The following MS4A4A variants were observed in gnomAD, a reference collection of about 807,000 sequenced individuals.
MS4A4A encodes the protein membrane-spanning 4-domains subfamily A member 4A.
A neutral mutation model predicts 28.0 loss-of-function variants in MS4A4A; 26 were observed. The ratio of observed to expected loss-of-function variants is 0.93; its 90% confidence interval spans 0.68 to 1.29. The LOEUF (loss-of-function observed/expected upper bound fraction) is 1.29, where lower values mean the gene tolerates loss of function less well. Ranked by LOEUF, MS4A4A falls within the 50% of genes most tolerant of loss-of-function variation. MS4A4A has a pLI of 0.00. For synonymous variants in MS4A4A, 86 were observed against 100.8 expected, an observed-to-expected ratio of 0.85 and a Z score of 0.88; for missense variants, 290 against 293.1, an observed-to-expected ratio of 0.99 and a Z score of 0.08.
chr11:60,302,720 T>C lies in MS4A4A; in HGVS notation c.546+3T>C, dbSNP rs2084964128. ...ATGGGACTATGTCCATCTTAATGGT[T>C]GGTACTGCCTCTTTTCAGGGGATAT... is the stretch of plus-strand genomic sequence containing the variant. On this transcript the variant is annotated splice_donor_region_variant and intron_variant, in intron 5 of 6. Transcript: ENST00000337908. 6.2e-7 allele frequency: 1 copy of C among 1,612,524 alleles called. No individual in the cohort carries two copies. The highest frequency in any genetic ancestry group is 8.5e-7 in the Non-Finnish European group (1 of 1,178,908).
intron 2 of MS4A4A, among the ~76,000 whole-genome samples, chr11:60,293,806 A>G (rs1241829251): frequency 6.6e-6 from 1 of 151,972 alleles, no homozygotes; most frequent in Non-Finnish European, 1.5e-5. Flanking sequence ...TAGCTCATTT[A>G]TTTTTAGTAC....
intron 4 of MS4A4A, among the ~76,000 whole-genome samples, chr11:60,301,711 A>G (rs547082353): frequency 1.3e-5 from 2 of 152,328 alleles, no homozygotes; most frequent in Admixed American, 1.3e-4. Flanking sequence ...GGCTGCAGCC[A>G]CATTACTCAT....
In MS4A4A at chr11:60,306,063, C is replaced by T. The variant is rs746902938; in HGVS notation, c.547-37C>T. The T allele has an allele frequency of 2.9e-5, 43 of 1,498,830 alleles. 1 individual carries two copies. The highest frequency in any genetic ancestry group is 4.0e-5 in the Non-Finnish European group (43 of 1,081,032). 92.8% of individuals were successfully genotyped at this position (1,498,830 alleles called of 1,614,324 possible). ...GGGAAATGTTTTCACTTGTCATCTC[C>T]ATTTCTCACATTCCTTTGTTATGAG... On this transcript the variant is annotated intron_variant, in intron 5 of 6. Coordinates refer to ENST00000337908, the MANE Select transcript of MS4A4A (RefSeq NM_148975.3).
intron 5 of MS4A4A, 47 bp from the exon 6 acceptor site, chr11:60,306,052 CT>C (rs2084996811): frequency 6.9e-7 from 1 of 1,459,328 alleles, no homozygotes; most frequent in Non-Finnish European, 9.6e-7. Flanking sequence ...AATGTTTTCA[CT>C]TGTCATCTCC....
At chr11:60,287,153 G>T (rs1021164138) in intron 1 of MS4A4A, among the ~76,000 whole-genome samples, 4 of 152,142 alleles carry the variant, frequency 2.6e-5, no homozygotes, top group African/African-American at 7.2e-5. Context: ...GACTTGTACT[G>T]TCCTCCCACA....
At chr11:60,283,741 T>C (rs555802117) in intron 1 of MS4A4A, among the ~76,000 whole-genome samples, 2 of 152,328 alleles carry the variant, frequency 1.3e-5, no homozygotes, top group East Asian at 3.9e-4. Context: ...AATTTGAGGA[T>C]GTGGATTAAA....
In MS4A4A at chr11:60,297,298, C is replaced by T. The variant is rs370827359; in HGVS notation, c.303C>T (p.Ile101=). 22 of 1,613,100 alleles carry T rather than the reference C, an allele frequency of 1.4e-5. No homozygotes were observed. Among genetic ancestry groups the T allele is most frequent in the African/African-American group, 6.7e-5 (5 of 74,836 alleles). Residue 101 remains isoleucine, a synonymous_variant, in exon 3 of 7, where the codon ATC becomes ATT. Transcript: ENST00000337908. ...GAAGTAACCCTATTTCCGTGTATAT[C>T]GGGTACACAATTTGGGGGTCAGTAA... is the stretch of plus-strand genomic sequence containing the variant. ...TYGSNPISVY[I]GYTIWGSVMF...
intron 2 of MS4A4A, among the ~76,000 whole-genome samples, chr11:60,296,594 A>G (rs2084907658): frequency 6.6e-6 from 1 of 152,068 alleles, no homozygotes; most frequent in South Asian, 2.1e-4. Context: ...TTTCTAATAT[A>G]TTCATTCAAT....
At chr11:60,299,880 A>G (rs920744058) in intron 3 of MS4A4A, among the ~76,000 whole-genome samples, 5 of 151,710 alleles carry the variant, frequency 3.3e-5, no homozygotes, top group Non-Finnish European at 5.9e-5. Flanking sequence ...TTTTTTTCTT[A>G]AATTCATTAA....
intron 5 of MS4A4A, among the ~76,000 whole-genome samples, chr11:60,305,039 G>A (rs893279800): frequency 6.6e-6 from 1 of 152,212 alleles, no homozygotes; most frequent in Non-Finnish European, 1.5e-5. Flanking sequence ...TTCTGCAACA[G>A]AGGGACTATC....
chr11:60,305,165 T>C (rs1296858434), intron 5 of MS4A4A, among the ~76,000 whole-genome samples: 1 of 152,250 alleles, frequency 6.6e-6, no homozygotes, highest in African/African-American at 2.4e-5. Context: ...TTTGACCATG[T>C]TTCTTGGCTG....
chr11:60,295,442 G>T (rs1294240175), intron 2 of MS4A4A, among the ~76,000 whole-genome samples: 2 of 151,940 alleles, frequency 1.3e-5, no homozygotes, highest in Non-Finnish European at 2.9e-5. Flanking sequence ...GGGAACAAAG[G>T]CAGTTTTATT....
chr11:60,305,079 T>C (rs1012248669), intron 5 of MS4A4A, among the ~76,000 whole-genome samples: 9 of 152,192 alleles, frequency 5.9e-5, no homozygotes, highest in African/African-American at 1.9e-4. Flanking sequence ...AGAGAGAATA[T>C]TTAAACCAGA....
intron 4 of MS4A4A, 43 bp downstream of exon 4, chr11:60,301,100 T>C (rs995368214): frequency 1.8e-5 from 26 of 1,454,044 alleles, no homozygotes; most frequent in Non-Finnish European, 2.3e-5. Flanking sequence ...AAAGGAAGGA[T>C]TAATAAAAAA....
At chr11:60,289,923 C>G (rs1449135319) in intron 1 of MS4A4A, 1 of 172,972 alleles carries the variant, frequency 5.8e-6, no homozygotes, top group African/African-American at 2.4e-5. Flanking sequence ...TCCTGTCACT[C>G]TATGTGCTTT....
intron 4 of MS4A4A, among the ~76,000 whole-genome samples, chr11:60,302,245 G>A (rs2084958350): frequency 6.6e-6 from 1 of 152,238 alleles, no homozygotes; most frequent in African/African-American, 2.4e-5. Context: ...GAAGCAAGGA[G>A]TGGCAGGGAA....
At chr11:60,280,940 T>A (rs957800595) in intron 1 of MS4A4A, among the ~76,000 whole-genome samples, 1 of 152,298 alleles carries the variant, frequency 6.6e-6, no homozygotes, top group South Asian at 2.1e-4. Context: ...AAAAGCCTCC[T>A]AAAGGCTGAC....
chr11:60,305,525 T>C (rs1465513659), intron 5 of MS4A4A, among the ~76,000 whole-genome samples: 2 of 152,282 alleles, frequency 1.3e-5, no homozygotes. Context: ...TCTCTTGAAC[T>C]CTATTCTGGC....
Position 60,298,794 on chromosome 11 carries a change from C to T in MS4A4A, c.330+1469C>T, listed in dbSNP as rs2084926535. Among the ~76,000 whole-genome samples, 7 of 152,226 alleles carry T rather than the reference C, an allele frequency of 4.6e-5. 1 individual carries two copies. In the South Asian group the frequency reaches 1.4e-3, roughly 31 times the overall value. ...GAGCCATTTGTCCGCTGAGACATCA[C>T]TGAGACTTTCGTAGGTGTTCCATTA... On this transcript the variant is annotated intron_variant, in intron 3 of 6. Transcript: ENST00000337908.
Sources: allele counts gnomAD v4.1 joint callset (sites outside exome capture counted in the v4.1 genomes callset), GRCh38; gene constraint gnomAD v4.1.1; transcripts MANE v1.5; gene names NCBI Gene and HGNC (gene_info 2026-07-23, HGNC 2026-07-21).